PHC1: variants seen among roughly 807,000 people sequenced by gnomAD.
PHC1 encodes the protein polyhomeotic homolog 1.
PHC1 carries 12 observed loss-of-function variants against 104.3 expected under a neutral mutation model. That is an observed-to-expected ratio of 0.12 (90% CI 0.07 to 0.19). The LOEUF (loss-of-function observed/expected upper bound fraction) is 0.19, where lower values mean the gene tolerates loss of function less well. PHC1 is among the 10% of genes least tolerant of loss of function. PHC1 has a pLI of 1.00. For missense variants in PHC1, 671 were observed against 1,200.0 expected, an observed-to-expected ratio of 0.56 and a Z score of 6.51; for synonymous variants, 302 against 455.8, an observed-to-expected ratio of 0.66 and a Z score of 4.30.
At chr12:8,914,401 C>T (rs1945135248), upstream of PHC1, among the ~76,000 whole-genome samples, 1 of 126,406 alleles carries the variant, frequency 7.9e-6, no homozygotes, top group Non-Finnish European at 1.6e-5. Flanking sequence ...CGGCAGGAAA[C>T]GAGGGACGCG....
At chr12:8,923,434 C>T (rs1168650534) in intron 6 of PHC1, among the ~76,000 whole-genome samples, 1 of 152,118 alleles carries the variant, frequency 6.6e-6, no homozygotes, top group East Asian at 1.9e-4. Context: ...TTGAGTTCTT[C>T]CTTCATGTAC....
chr12:8,922,184 A>G (rs773028138), intron 5 of PHC1, among the ~76,000 whole-genome samples: 2 of 152,134 alleles, frequency 1.3e-5, no homozygotes, highest in Non-Finnish European at 2.9e-5. Flanking sequence ...CCCATACTTT[A>G]CTTAACCTGG....
At chr12:8,935,020 C>G in intron 10 of PHC1, 104 bp from the exon 11 acceptor site, 1 of 621,586 alleles carries the variant, frequency 1.6e-6, no homozygotes, top group Non-Finnish European at 2.9e-6. Flanking sequence ...GTCATTAACT[C>G]AGAGATCCAA....
At chr12:8,923,594 C>T (rs1231642384) in intron 6 of PHC1, among the ~76,000 whole-genome samples, 1 of 151,674 alleles carries the variant, frequency 6.6e-6, no homozygotes, top group Non-Finnish European at 1.5e-5. Flanking sequence ...TTTGGGAGGC[C>T]GAGGCGGGTG....
At chr12:8,939,152 A>C (rs188183901) in intron 14 of PHC1, among the ~76,000 whole-genome samples, 153 bp from the exon 15 acceptor site, 260 of 152,226 alleles carry the variant, frequency 1.7e-3, no homozygotes, top group Non-Finnish European at 2.9e-3. Context: ...TTGCTTTCTA[A>C]TTTCATTTTG....
chr12:8,931,173 G>A (rs990388994), intron 7 of PHC1, among the ~76,000 whole-genome samples: 3 of 152,086 alleles, frequency 2.0e-5, no homozygotes, highest in East Asian at 3.9e-4. Flanking sequence ...TCCCCTGTCC[G>A]CTTTCTTAGG....
At chr12:8,923,842 A>G (rs1945436804) in intron 6 of PHC1, among the ~76,000 whole-genome samples, 1 of 151,706 alleles carries the variant, frequency 6.6e-6, no homozygotes, top group African/African-American at 2.4e-5. Context: ...AAAAAAAAAA[A>G]AAAAGAAAAT....
chr12:8,932,501 T>C, intron 7 of PHC1, 62 bp from the exon 8 acceptor site: 1 of 1,546,888 alleles, frequency 6.5e-7, no homozygotes, highest in Non-Finnish European at 8.9e-7. Context: ...ACTTTTAATT[T>C]AGAATGATTA....
chr12:8,935,864 G>A (rs1232917623), intron 11 of PHC1, among the ~76,000 whole-genome samples: 5 of 151,918 alleles, frequency 3.3e-5, no homozygotes, highest in African/African-American at 4.8e-5. Flanking sequence ...GGGTTCAAGC[G>A]ATTCTCCTGC....
chr12:8,927,586 A>G (rs533761073), intron 6 of PHC1, among the ~76,000 whole-genome samples: 1 of 152,170 alleles, frequency 6.6e-6, no homozygotes, highest in Admixed American at 6.5e-5. Context: ...ATGCTCATAT[A>G]ATGGTTTTTG....
intron 6 of PHC1, among the ~76,000 whole-genome samples, chr12:8,929,848 C>T (rs1945631678): frequency 6.6e-6 from 1 of 152,082 alleles, no homozygotes; most frequent in Non-Finnish European, 1.5e-5. Flanking sequence ...TGGTTCTGGC[C>T]TTGCAAATGC....
In PHC1 at chr12:8,919,783, A is replaced by G; in HGVS notation, c.142A>G (p.Asn48Asp). The G allele has an allele frequency of 1.2e-6, 2 of 1,612,682 alleles. No individual in the cohort carries two copies. Among genetic ancestry groups the G allele is most frequent in the Non-Finnish European group, 1.7e-6 (2 of 1,179,686 alleles). The change falls in exon 3 of 15, where the codon AAT (asparagine) becomes GAT (aspartate). Residue 48 changes from asparagine to aspartate, a missense_variant. By Grantham distance (23) the Asn-to-Asp change is conservative. Transcript: ENST00000544916. This position sits in a 1 kb window ranked among gnomAD's most constrained non-coding sequence, Gnocchi z 4.9. ...QALQALQRQP[N>D]AAQYFHQFML... ...TCTGCAAGCACTGCAGCGGCAGCCC[A>G]ATGCAGCTCAGTATTTCCACCAGTT...
intron 9 of PHC1, 46 bp downstream of exon 9, chr12:8,934,058 G>A (rs1945766494): frequency 4.4e-6 from 7 of 1,594,504 alleles, no homozygotes; most frequent in Non-Finnish European, 6.0e-6. Flanking sequence ...ACAGAGTAGA[G>A]GAATGTTCTG....
rs370917825 is a variant in PHC1 at position 8,930,426 on chromosome 12, A to G, written c.613-9A>G. 1.5e-4 allele frequency: 239 copies of G among 1,608,936 alleles called. No individual in the cohort carries two copies. The African/African-American group carries it at 2.5e-3, about 17-fold the overall frequency. On this transcript the variant is annotated splice_polypyrimidine_tract_variant and intron_variant, in intron 6 of 14. Coordinates refer to ENST00000544916, the MANE Select transcript of PHC1 (RefSeq NM_004426.3). ...TCCTTTTCTCAATCTGTTTTTTCGTATCTTTCAGGTTCAGAACTTGGCAGT... is the reference window on the plus strand; with the variant it reads ...TCCTTTTCTCAATCTGTTTTTTCGTGTCTTTCAGGTTCAGAACTTGGCAGT...
intron 14 of PHC1, among the ~76,000 whole-genome samples, chr12:8,938,298 C>T (rs911252447): frequency 1.3e-5 from 2 of 152,140 alleles, no homozygotes; most frequent in African/African-American, 4.8e-5. Flanking sequence ...CTGCATTTCT[C>T]ACTAAATTTT....
chr12:8,937,134 T>C, intron 12 of PHC1, 42 bp from the exon 13 acceptor site: 2 of 1,585,594 alleles, frequency 1.3e-6, no homozygotes, highest in Non-Finnish European at 1.7e-6. Flanking sequence ...AGGGTGGTCT[T>C]CTGTGGCACT....
chr12:8,931,919 T>G (rs887612069), intron 7 of PHC1, among the ~76,000 whole-genome samples: 4 of 152,242 alleles, frequency 2.6e-5, no homozygotes, highest in Admixed American at 2.6e-4. Flanking sequence ...TGCTTTGATC[T>G]CTGGACAATC....
chr12:8,928,237 C>T (rs1396711821), intron 6 of PHC1, among the ~76,000 whole-genome samples: 1 of 152,228 alleles, frequency 6.6e-6, no homozygotes, highest in East Asian at 1.9e-4. Flanking sequence ...TGGTCTTCTT[C>T]ACTTCAGTCT....
At chr12:8,924,815 C>T (rs1945471513) in intron 6 of PHC1, among the ~76,000 whole-genome samples, 1 of 152,148 alleles carries the variant, frequency 6.6e-6, no homozygotes, top group African/African-American at 2.4e-5. Context: ...TCATTGCTAG[C>T]TATTGAACAG....
Sources: allele counts gnomAD v4.1 joint callset (sites outside exome capture counted in the v4.1 genomes callset), GRCh38; gene constraint gnomAD v4.1.1; non-coding constraint Gnocchi (gnomAD v3.1); transcripts MANE v1.5; gene names NCBI Gene and HGNC (gene_info 2026-07-23, HGNC 2026-07-21).